Variants in SCFD2 observed in about 807,000 individuals in gnomAD.
SCFD2 encodes the protein sec1 family domain containing 2, also known as sec1 family domain-containing protein 2.
SCFD2 carries 54 observed loss-of-function variants against 58.9 expected under a neutral mutation model. The ratio of observed to expected loss-of-function variants is 0.92; its 90% CI spans 0.74 to 1.15. The LOEUF is 1.15. Ranked by LOEUF, SCFD2 falls within the 50% of genes most tolerant of loss-of-function variation. The pLI, the probability that SCFD2 is intolerant of heterozygous loss-of-function variation, is 0.00. For synonymous variants in SCFD2, 321 were observed against 335.9 expected (o/e 0.96, Z 0.49); for missense variants, 805 against 836.6 (o/e 0.96, Z 0.47).
chr4:53,002,348 A>T (rs1721881092), intron 5 of SCFD2, among the ~76,000 whole-genome samples: 1 of 152,206 alleles, frequency 6.6e-6, no homozygotes, highest in South Asian at 2.1e-4. Context: ...TGATAGACTT[A>T]GAAGGCCTGG....
intron 5 of SCFD2, among the ~76,000 whole-genome samples, chr4:52,998,138 G>C (rs1721785423): frequency 6.6e-6 from 1 of 152,126 alleles, no homozygotes; most frequent in African/African-American, 2.4e-5. Flanking sequence ...AAACTGAGAT[G>C]AGTGCACAAG....
chr4:52,908,395 G>A (rs918307557), intron 6 of SCFD2, among the ~76,000 whole-genome samples: 1 of 152,088 alleles, frequency 6.6e-6, no homozygotes, highest in African/African-American at 2.4e-5. Flanking sequence ...TTCTCGCTTG[G>A]TGGACCACCT....
chr4:53,357,547 C>T (rs1560464638), intron 1 of SCFD2, among the ~76,000 whole-genome samples: 1 of 151,810 alleles, frequency 6.6e-6, no homozygotes, highest in Non-Finnish European at 1.5e-5. Context: ...TCAAATAGCA[C>T]AAAAAAAGTC....
chr4:53,153,537 GCC>G (rs940780287), intron 4 of SCFD2, among the ~76,000 whole-genome samples: 148 of 152,292 alleles, frequency 9.7e-4, no homozygotes, highest in African/African-American at 3.4e-3. Context: ...TACACCTCTG[GCC>G]CTGTAATGAG....
chr4:53,251,974 T>A (rs1340217050), intron 4 of SCFD2, among the ~76,000 whole-genome samples: 1 of 152,136 alleles, frequency 6.6e-6, no homozygotes, highest in Non-Finnish European at 1.5e-5. Context: ...TGAATGTATA[T>A]CTAGAAAACC....
intron 2 of SCFD2, among the ~76,000 whole-genome samples, chr4:53,340,711 A>C (rs1733839968): frequency 6.6e-6 from 1 of 152,180 alleles, no homozygotes; most frequent in South Asian, 2.1e-4. Context: ...GGCAATTCCC[A>C]ATAGGGGGCG....
intron 4 of SCFD2, among the ~76,000 whole-genome samples, chr4:53,222,616 C>T (rs1729081187): frequency 1.7e-5 from 1 of 59,964 alleles, no homozygotes; most frequent in Non-Finnish European, 3.6e-5. Flanking sequence ...GGAAGAACTA[C>T]TCCAAATAGC....
chr4:52,934,634 T>C (rs1720090994), intron 5 of SCFD2, among the ~76,000 whole-genome samples: 1 of 152,184 alleles, frequency 6.6e-6, no homozygotes, highest in Non-Finnish European at 1.5e-5. Context: ...ATAGTCATAG[T>C]CAGCATGTAC....
At chr4:52,937,967 CTCATACATTGAT>C (rs1270050620) in intron 5 of SCFD2, among the ~76,000 whole-genome samples, 1 of 152,122 alleles carries the variant, frequency 6.6e-6, no homozygotes, top group East Asian at 1.9e-4. Context: ...AAAGGTAGTG[CTCATACATTGAT>C]TCATACATTG....
intron 5 of SCFD2, among the ~76,000 whole-genome samples, chr4:52,928,820 T>A (rs1309705506): frequency 2.0e-5 from 3 of 152,142 alleles, no homozygotes. Flanking sequence ...GCACAGTGCT[T>A]AGCTCACAGA....
At chr4:53,251,569 C>T (rs1479222214) in intron 4 of SCFD2, among the ~76,000 whole-genome samples, 1 of 152,110 alleles carries the variant, frequency 6.6e-6, no homozygotes, top group Non-Finnish European at 1.5e-5. Context: ...GGATGCAAGG[C>T]TGGTTCAATA....
intron 5 of SCFD2, among the ~76,000 whole-genome samples, chr4:53,055,069 A>T (rs912739705): frequency 1.3e-5 from 2 of 152,168 alleles, no homozygotes; most frequent in Non-Finnish European, 2.9e-5. Flanking sequence ...TATTCACCAC[A>T]ATATCAGTAA....
rs1198950097 is a variant in SCFD2 at position 52,900,312 on chromosome 4, G to A, written c.1842+7145C>T. Among the ~76,000 whole-genome samples, 5 of 152,220 alleles carry A rather than the reference G, an allele frequency of 3.3e-5. No individual in the cohort carries two copies. The South Asian group carries it at 6.2e-4, about 19-fold the overall frequency. On this transcript the variant is annotated intron_variant, in intron 7 of 8. Transcript: ENST00000401642. The stretch of plus-strand genomic sequence containing the variant: ...ACCTTTGGTCTTTGATGATGGTGAC[G>A]TACAGATGGGTTTTTGGTGTGGATG...
At chr4:52,931,949 G>A (rs951378767) in intron 5 of SCFD2, among the ~76,000 whole-genome samples, 2 of 152,184 alleles carry the variant, frequency 1.3e-5, no homozygotes, top group Non-Finnish European at 2.9e-5. Context: ...TCTACCTGAT[G>A]CAGCTGCAGC....
chr4:53,299,911 C>T (rs1732208593), intron 3 of SCFD2, among the ~76,000 whole-genome samples: 1 of 152,150 alleles, frequency 6.6e-6, no homozygotes, highest in Non-Finnish European at 1.5e-5. Context: ...AGATTTTTGT[C>T]ACCACCAAGC....
intron 5 of SCFD2, among the ~76,000 whole-genome samples, chr4:52,958,480 C>T (rs1394646121): frequency 6.6e-6 from 1 of 152,224 alleles, no homozygotes. Flanking sequence ...CATTCCATAA[C>T]ATGGTGACAT....
chr4:53,325,862 A>G (rs1489160916), intron 2 of SCFD2, among the ~76,000 whole-genome samples: 1 of 152,220 alleles, frequency 6.6e-6, no homozygotes, highest in Admixed American at 6.5e-5. Flanking sequence ...TTTTTAGGAT[A>G]CTAAAGGGAC....
chr4:52,908,733 G>A (rs1220172826), intron 6 of SCFD2, among the ~76,000 whole-genome samples: 1 of 152,026 alleles, frequency 6.6e-6, no homozygotes, highest in Non-Finnish European at 1.5e-5. Flanking sequence ...ATAAAGCAAG[G>A]TATAAACCAT....
chr4:53,054,360 C>T (rs992079906), intron 5 of SCFD2, among the ~76,000 whole-genome samples: 3 of 151,996 alleles, frequency 2.0e-5, no homozygotes, highest in Non-Finnish European at 2.9e-5. Context: ...TTTACATGTC[C>T]GCTTCTCCCC....
Sources: gnomAD v4.1 joint callset for allele counts (sites outside exome capture counted in the v4.1 genomes callset) on GRCh38, gnomAD v4.1.1 for gene constraint, MANE v1.5 for transcripts, NCBI Gene and HGNC (gene_info 2026-07-23, HGNC 2026-07-21) for gene names.